The following BMP1 variants were observed in gnomAD, a reference collection of about 807,000 sequenced individuals.
BMP1 encodes the protein mammalian tolloid protein.
A neutral mutation model predicts 116.8 loss-of-function variants in BMP1; 63 were observed. The ratio of observed to expected loss-of-function variants is 0.54; its 90% confidence interval spans 0.44 to 0.67. The LOEUF (loss-of-function observed/expected upper bound fraction) is 0.67. Ranked by LOEUF, BMP1 falls within the 30% of genes least tolerant of loss-of-function variation. The probability of loss-of-function intolerance (pLI) is 0.00; values close to 1 mark genes in which losing one functional copy is unlikely to be tolerated. For missense variants in BMP1, 1,183 were observed against 1,358.9 expected (o/e 0.87, Z 2.04); for synonymous variants, 536 against 533.4 (o/e 1.00, Z -0.07).
chr8:22,208,444 C>T (rs1158663619), intron 18 of BMP1, among the ~76,000 whole-genome samples: 1 of 152,228 alleles, frequency 6.6e-6, no homozygotes, highest in Non-Finnish European at 1.5e-5. Context: ...AAGGCAGGCA[C>T]CGCCCGTGAC....
intron 16 of BMP1, among the ~76,000 whole-genome samples, chr8:22,204,115 G>A (rs745468801): frequency 1.2e-4 from 19 of 152,166 alleles, no homozygotes; most frequent in Admixed American, 3.9e-4. Flanking sequence ...CTGTTCCCAC[G>A]GAGATTGCAG....
intron 1 of BMP1, among the ~76,000 whole-genome samples, chr8:22,167,346 A>G (rs1413957087): frequency 6.6e-6 from 1 of 152,170 alleles, no homozygotes; most frequent in Admixed American, 6.5e-5. Flanking sequence ...AGCACAAACC[A>G]AGCCACACTG....
chr8:22,186,948 C>G (rs184959294), intron 8 of BMP1, among the ~76,000 whole-genome samples: 2 of 152,280 alleles, frequency 1.3e-5, no homozygotes, highest in East Asian at 1.9e-4. Context: ...GAGAACCCAA[C>G]CAATGTTAAC....
Position 22,211,828 on chromosome 8 carries a change from C to A in BMP1, c.*100C>A. The A allele has an allele frequency of 1.3e-6, 2 of 1,569,602 alleles. No individual in the cohort carries two copies. Among genetic ancestry groups the A allele is most frequent in the East Asian group, 2.3e-5 (1 of 44,414 alleles). On this transcript the variant is annotated 3_prime_UTR_variant, in exon 20 of 20. Coordinates refer to ENST00000306385, the MANE Select transcript of BMP1 (RefSeq NM_006129.5). ...AAGGCAACGCACCATCCCTCTCCCCCAGGCCCCAGGACCTGCAGGGCCAAT... is the reference window on the plus strand; with the variant it reads ...AAGGCAACGCACCATCCCTCTCCCCAAGGCCCCAGGACCTGCAGGGCCAAT...
At chr8:22,203,654 C>T (rs1829302403) in intron 16 of BMP1, among the ~76,000 whole-genome samples, 1 of 152,242 alleles carries the variant, frequency 6.6e-6, no homozygotes, top group Non-Finnish European at 1.5e-5. Flanking sequence ...GCAAGTGACT[C>T]TTCCCACCCT....
intron 8 of BMP1, among the ~76,000 whole-genome samples, chr8:22,184,609 C>G (rs1828713750): frequency 1.3e-5 from 2 of 152,216 alleles, no homozygotes; most frequent in African/African-American, 4.8e-5. Context: ...TAGTAGAATA[C>G]TAACAGCCTC....
At chr8:22,174,806 A>G (rs2131846333) in intron 2 of BMP1, among the ~76,000 whole-genome samples, 1 of 151,630 alleles carries the variant, frequency 6.6e-6, no homozygotes, top group South Asian at 2.1e-4. Flanking sequence ...CCAATTTTTT[A>G]TATTTTTAGT....
At chr8:22,192,846 C>T (rs774319490) in intron 9 of BMP1, among the ~76,000 whole-genome samples, 4 of 152,184 alleles carry the variant, frequency 2.6e-5, no homozygotes, top group African/African-American at 4.8e-5. Flanking sequence ...CCTAGCTGGA[C>T]GTGATCGTAA....
At chr8:22,200,884 G>GCTCTGT (rs1180158263) in intron 15 of BMP1, among the ~76,000 whole-genome samples, 1 of 152,112 alleles carries the variant, frequency 6.6e-6, no homozygotes, top group Non-Finnish European at 1.5e-5. Context: ...CCTGCCACAG[G>GCTCTGT]CTCTGTCTCT....
intron 13 of BMP1, 86 bp from the exon 14 acceptor site, chr8:22,196,594 C>T (rs1829098416): frequency 6.9e-6 from 11 of 1,586,802 alleles, no homozygotes; most frequent in Middle Eastern, 2.2e-4. Flanking sequence ...TCCCCATCTT[C>T]TCCTTACTGC....
rs1829467937 is a variant in BMP1 at position 22,211,837 on chromosome 8, G to A, written c.*109G>A. 1.3e-6 allele frequency: 2 copies of A among 1,534,382 alleles called. No individual in the cohort carries two copies. The highest frequency in any genetic ancestry group is 1.8e-6 in the Non-Finnish European group (2 of 1,127,164). ...CACCATCCCTCTCCCCCAGGCCCCAGGACCTGCAGGGCCAATGGCCTGGTG... is the reference window on the plus strand; with the variant it reads ...CACCATCCCTCTCCCCCAGGCCCCAAGACCTGCAGGGCCAATGGCCTGGTG... On this transcript the variant is annotated 3_prime_UTR_variant, in exon 20 of 20. Transcript: ENST00000306385.
intron 6 of BMP1, among the ~76,000 whole-genome samples, chr8:22,178,439 G>T (rs1467351116): frequency 1.3e-5 from 2 of 152,122 alleles, no homozygotes; most frequent in South Asian, 4.2e-4. Flanking sequence ...ACAGGCACAC[G>T]CCACCGTGCC....
rs200735445 is a variant in BMP1, at chr8:22,196,819, C to G, written c.1905C>G (p.Phe635Leu). Residue 635 changes from phenylalanine (F) to leucine (L), a missense_variant, in exon 14 of 20, where the codon TTC (phenylalanine) becomes TTG (leucine). Phe to Leu is a conservative substitution (Grantham distance 22, BLOSUM62 0). Around this residue, in one of 4 missense-constraint regions of BMP1, gnomAD observed 956 missense variants for 1,135.2 expected, o/e 0.84. Coordinates refer to ENST00000306385, the MANE Select transcript of BMP1 (RefSeq NM_006129.5). ...ACCGCATCTCCCTGCAGTTTGACTT[C>G]TTTGAGACAGAGGGCAATGATGTAA... ...TQYRISLQFD[F>L]FETEGNDVCK... The G allele has an allele frequency of 5.0e-6, 8 of 1,613,932 alleles. No individual in the cohort carries two copies. In the East Asian group the frequency reaches 1.8e-4, roughly 36 times the overall value.
intron 2 of BMP1, among the ~76,000 whole-genome samples, chr8:22,174,627 C>CTTTTTTTTTTTTTTTT (rs57781366): frequency 2.8e-5 from 3 of 106,286 alleles, no homozygotes; most frequent in Non-Finnish European, 5.6e-5. Flanking sequence ...TTTTTTCTGT[C>CTTTTTTTTTTTTTTTT]TTTTTTTTTT....
chr8:22,197,498 C>G (rs1047004510), intron 15 of BMP1, 78 bp downstream of exon 15: 6 of 1,490,480 alleles, frequency 4.0e-6, no homozygotes, highest in Non-Finnish European at 5.5e-6. Flanking sequence ...CCCTGCACCC[C>G]TGTACTCCCC....
chr8:22,207,323 C>G lies in BMP1; in HGVS notation c.2382C>G (p.Ile794Met), dbSNP rs140717307. ...RVKLTFMEMD[I>M]ESQPECAYDH... is the part of the protein sequence containing the mutation. ...CCTAGACCTTCATGGAGATGGACAT[C>G]GAGTCCCAGCCTGAGTGTGCCTACG... Residue 794 changes from isoleucine (I) to methionine (M), a missense_variant, in exon 18 of 20, where the codon ATC (isoleucine) becomes ATG (methionine). Transcript: ENST00000306385. The G allele has an allele frequency of 1.9e-6, 3 of 1,612,808 alleles. No individual in the cohort carries two copies. Among genetic ancestry groups the G allele is most frequent in the Non-Finnish European group, 2.5e-6 (3 of 1,178,926 alleles).
chr8:22,169,938 C>T (rs77717981), intron 1 of BMP1: 14,638 of 152,246 alleles, frequency 0.096, 896 homozygotes, highest in South Asian at 0.15. Context: ...CTACCCTGAC[C>T]GTGACCCCAG....
chr8:22,168,723 T>C lies in BMP1; in HGVS notation c.148+3170T>C, dbSNP rs1464804461. On this transcript the variant is annotated intron_variant, in intron 1 of 19. Coordinates refer to ENST00000306385, the MANE Select transcript of BMP1 (RefSeq NM_006129.5). ...TCCTCTCACCAGACCACATTCCCCC[T>C]CTAGACAGCTGAGTCACCCCACCCA... Among the ~76,000 whole-genome samples, 5 of 152,126 alleles carry C rather than the reference T, an allele frequency of 3.3e-5. No individual in the cohort carries two copies. In the East Asian group the frequency reaches 9.7e-4, roughly 29 times the overall value.
intron 18 of BMP1, 27 bp downstream of exon 18, chr8:22,207,543 C>G: frequency 7.5e-6 from 12 of 1,606,936 alleles, no homozygotes; most frequent in Non-Finnish European, 1.0e-5. Context: ...TGGGAGTGTT[C>G]ACTGAGCCTG....
Sources: gnomAD v4.1 joint callset for allele counts (sites outside exome capture counted in the v4.1 genomes callset) on GRCh38, gnomAD v4.1.1 for gene constraint, gnomAD v4.1.1 regional missense constraint, MANE v1.5 for transcripts, NCBI Gene and HGNC (gene_info 2026-07-23, HGNC 2026-07-21) for gene names.